The following IL1RN variants were observed in gnomAD, a reference collection of about 807,000 sequenced individuals.
IL1RN encodes interleukin 1 receptor antagonist.
A neutral mutation model predicts 13.7 loss-of-function variants in IL1RN; 10 were observed. That is an observed-to-expected ratio of 0.73 (90% CI 0.45 to 1.24). The LOEUF is 1.24. Among genes scored for constraint, IL1RN ranks in the 50% most tolerant of loss-of-function variants. The probability of loss-of-function intolerance (pLI) is 0.00; values close to 1 mark genes in which losing one functional copy is unlikely to be tolerated. For missense variants in IL1RN, 213 were observed against 222.1 expected, an observed-to-expected ratio of 0.96 and a Z score of 0.26; for synonymous variants, 102 against 82.7, an observed-to-expected ratio of 1.23 and a Z score of -1.27.
chr2:113,114,837 A>G (rs1686563909), upstream of IL1RN, among the ~76,000 whole-genome samples: 1 of 152,212 alleles, frequency 6.6e-6, no homozygotes, highest in East Asian at 1.9e-4. Context: ...ACGGAGGATC[A>G]CATAAATGCA....
chr2:113,121,199 A>G (rs1346421460), intron 2 of IL1RN, among the ~76,000 whole-genome samples: 4 of 152,096 alleles, frequency 2.6e-5, no homozygotes, highest in Admixed American at 2.6e-4. Flanking sequence ...TAAGAAAGTA[A>G]AGGAATAAAA....
upstream of IL1RN, among the ~76,000 whole-genome samples, chr2:113,103,250 TAGTATTATGGC>T: frequency 6.6e-6 from 1 of 152,190 alleles, no homozygotes. Flanking sequence ...GTGCAGTAGG[TAGTATTATGGC>T]CCTCAAAGAC....
intron 2 of IL1RN, among the ~76,000 whole-genome samples, chr2:113,120,427 C>T (rs1686731259): frequency 6.6e-6 from 1 of 152,084 alleles, no homozygotes; most frequent in South Asian, 2.1e-4. Context: ...AATAAAAACA[C>T]TACACTGGCA....
intron 1 of IL1RN, among the ~76,000 whole-genome samples, chr2:113,128,577 G>A (rs547323834): frequency 6.6e-6 from 1 of 152,116 alleles, no homozygotes; most frequent in African/African-American, 2.4e-5. Context: ...AGCTCCAGGA[G>A]ATCCTCCTGG....
At chr2:113,128,882 T>C (rs1274168796) in intron 1 of IL1RN, among the ~76,000 whole-genome samples, 2 of 152,152 alleles carry the variant, frequency 1.3e-5, no homozygotes, top group African/African-American at 2.4e-5. Flanking sequence ...GAAGAAAGGA[T>C]TGGGACCCAG....
the IL1RN span, among the ~76,000 whole-genome samples, chr2:113,099,454 G>A: frequency 2.0e-5 from 3 of 152,218 alleles, no homozygotes; most frequent in African/African-American, 4.8e-5. Context: ...TGGTGAGCAG[G>A]GCTGAGAACT....
upstream of IL1RN, chr2:113,115,456 C>T (rs1330740719): frequency 6.6e-6 from 1 of 152,176 alleles, no homozygotes; most frequent in Non-Finnish European, 1.5e-5. Context: ...TTCCTGATGC[C>T]TCCCTTTCCT....
chr2:113,101,562 C>A, the IL1RN span, among the ~76,000 whole-genome samples: 1 of 152,144 alleles, frequency 6.6e-6, no homozygotes, highest in African/African-American at 2.4e-5. Context: ...GAAAGGACTG[C>A]CTTTCTCAAG....
upstream of IL1RN, chr2:113,112,939 A>T (rs1306917411): frequency 6.6e-6 from 1 of 152,190 alleles, no homozygotes; most frequent in Non-Finnish European, 1.5e-5. Flanking sequence ...TTGTTGTTGC[A>T]AGTAACATAA....
upstream of IL1RN, among the ~76,000 whole-genome samples, chr2:113,122,892 A>G (rs1174636380): frequency 6.6e-6 from 1 of 152,188 alleles, no homozygotes; most frequent in Non-Finnish European, 1.5e-5. Context: ...TTGGGAGGCC[A>G]AGATGGGTGG....
Position 113,131,169 on chromosome 2 carries a change from C to A in IL1RN, c.318+12C>A, listed in dbSNP as rs561872655. On this transcript the variant is annotated intron_variant, in intron 3 of 3. Transcript: ENST00000409930. ...GACTCCAGCTGGAGGTAAAAACATG[C>A]TTTGGATCTCAAATCACCCCAAAAC... 3 of 1,534,260 alleles carry A rather than the reference C, an allele frequency of 2.0e-6. No individual in the cohort carries two copies. Among genetic ancestry groups the A allele is most frequent in the Non-Finnish European group, 2.7e-6 (3 of 1,106,930 alleles).
upstream of IL1RN, among the ~76,000 whole-genome samples, chr2:113,125,074 T>A (rs1456008293): frequency 2.0e-5 from 3 of 152,234 alleles, no homozygotes; most frequent in Non-Finnish European, 4.4e-5. Context: ...GGCAAGCCAC[T>A]TCTCTTCTGC....
chr2:113,100,607 A>G, the IL1RN span, among the ~76,000 whole-genome samples: 1 of 152,188 alleles, frequency 6.6e-6, no homozygotes, highest in Admixed American at 6.5e-5. Flanking sequence ...CTATCACTCT[A>G]TCGCACAGAT....
upstream of IL1RN, chr2:113,111,037 G>C (rs1686486032): frequency 6.6e-6 from 1 of 152,244 alleles, no homozygotes. Context: ...AGAGGTTTTG[G>C]AGAGGTCCTA....
intron 2 of IL1RN, chr2:113,121,474 C>T: frequency 1.0e-6 from 1 of 985,398 alleles, no homozygotes; most frequent in Non-Finnish European, 1.2e-6. Flanking sequence ...ATCATCAAAG[C>T]CAAGAAGGCA....
At chr2:113,115,354 G>A (rs1342484980), upstream of IL1RN, among the ~76,000 whole-genome samples, 3 of 151,978 alleles carry the variant, frequency 2.0e-5, no homozygotes, top group Non-Finnish European at 4.4e-5. Context: ...TGGGAGCCTT[G>A]GGGTCTCTCC....
intron 1 of IL1RN, chr2:113,120,059 C>G: frequency 6.2e-7 from 1 of 1,611,946 alleles, no homozygotes; most frequent in South Asian, 1.1e-5. Context: ...CACCACTTCC[C>G]TTACAGCTGA....
At chr2:113,108,233 CT>C (rs1239981652), upstream of IL1RN, among the ~76,000 whole-genome samples, 21 of 147,050 alleles carry the variant, frequency 1.4e-4, no homozygotes, top group East Asian at 2.0e-4. Flanking sequence ...CTTCTCTTAT[CT>C]TTTTTTTTTG....
intron 1 of IL1RN, among the ~76,000 whole-genome samples, chr2:113,111,656 C>T (rs58965312): frequency 0.46 from 69,265 of 152,096 alleles, 16,034 homozygotes; most frequent in Middle Eastern, 0.56. Flanking sequence ...TACCTCCTGG[C>T]GAATGGACTG....
Sources: gnomAD v4.1 joint callset for allele counts (sites outside exome capture counted in the v4.1 genomes callset) on GRCh38, gnomAD v4.1.1 for gene constraint, MANE v1.5 for transcripts, NCBI Gene and HGNC (gene_info 2026-07-23, HGNC 2026-07-21) for gene names.